Variants in ADAMTS17 observed in about 807,000 individuals in gnomAD.
ADAMTS17 encodes the protein A disintegrin and metalloproteinase with thrombospondin motifs 17.
Under a neutral mutation model 141.5 loss-of-function variants are expected in ADAMTS17, and 113 were observed. The ratio of observed to expected loss-of-function variants is 0.80; its 90% CI spans 0.69 to 0.93. ADAMTS17 has a LOEUF of 0.93. Among genes scored for constraint, ADAMTS17 ranks in the 40% least tolerant of loss-of-function variants. The pLI, the probability that ADAMTS17 is intolerant of heterozygous loss-of-function variation, is 0.00. For missense variants in ADAMTS17, 1,659 were observed against 1,517.9 expected, an observed-to-expected ratio of 1.09 and a Z score of -1.54; for synonymous variants, 768 against 630.6, an observed-to-expected ratio of 1.22 and a Z score of -3.27.
At chr15:100,148,394 T>C (rs976902925) in intron 10 of ADAMTS17, among the ~76,000 whole-genome samples, 2 of 152,190 alleles carry the variant, frequency 1.3e-5, no homozygotes, top group Non-Finnish European at 2.9e-5. Flanking sequence ...CTGCAGAAGA[T>C]TTCCTTTAAT....
chr15:100,275,870 C>T (rs888640208), intron 4 of ADAMTS17, among the ~76,000 whole-genome samples: 1 of 149,324 alleles, frequency 6.7e-6, no homozygotes, highest in African/African-American at 2.5e-5. Flanking sequence ...CAGCTTTGGC[C>T]ATGCTATCAG....
chr15:100,175,584 T>C (rs1170045091), intron 8 of ADAMTS17, among the ~76,000 whole-genome samples: 1 of 152,122 alleles, frequency 6.6e-6, no homozygotes, highest in Non-Finnish European at 1.5e-5. Context: ...CCCCAGGGCG[T>C]GATGGAGACT....
At chr15:100,215,884 G>A (rs923536827) in intron 7 of ADAMTS17, among the ~76,000 whole-genome samples, 3 of 151,698 alleles carry the variant, frequency 2.0e-5, no homozygotes, top group Non-Finnish European at 2.9e-5. Flanking sequence ...TTTAGGTGTC[G>A]CTGACTCTCC....
At chr15:100,244,247 C>T (rs892143300) in intron 7 of ADAMTS17, among the ~76,000 whole-genome samples, 11 of 151,712 alleles carry the variant, frequency 7.3e-5, no homozygotes, top group Admixed American at 2.6e-4. Flanking sequence ...CCAGGTCCCT[C>T]CCATGACACG....
At chr15:100,316,847 C>T (rs541214407) in intron 3 of ADAMTS17, among the ~76,000 whole-genome samples, 1 of 152,330 alleles carries the variant, frequency 6.6e-6, no homozygotes, top group Non-Finnish European at 1.5e-5. Context: ...CTTGTCCCAG[C>T]CTCTACGTGC....
intron 8 of ADAMTS17, 123 bp from the exon 9 acceptor site, chr15:100,155,443 G>A: frequency 1.4e-6 from 2 of 1,390,376 alleles, no homozygotes; most frequent in South Asian, 1.2e-5. Flanking sequence ...TAACGTGAAA[G>A]TGGTTCTCAC....
At chr15:99,996,248 T>C (rs937049292) in intron 19 of ADAMTS17, among the ~76,000 whole-genome samples, 2 of 152,058 alleles carry the variant, frequency 1.3e-5, no homozygotes, top group Non-Finnish European at 2.9e-5. Flanking sequence ...GAGACAGGAT[T>C]TTACCACTGA....
At chr15:100,008,718 C>T (rs2141391379) in intron 18 of ADAMTS17, among the ~76,000 whole-genome samples, 1 of 152,348 alleles carries the variant, frequency 6.6e-6, no homozygotes, top group Admixed American at 6.5e-5. Flanking sequence ...TCAGAGTTCT[C>T]ACTTCTCATT....
At chr15:100,151,243 C>A (rs1596567378) in intron 10 of ADAMTS17, among the ~76,000 whole-genome samples, 1 of 152,314 alleles carries the variant, frequency 6.6e-6, no homozygotes, top group African/African-American at 2.4e-5. Context: ...GCAGAAGCAG[C>A]ACTACAGTGT....
intron 18 of ADAMTS17, among the ~76,000 whole-genome samples, chr15:100,040,239 C>T (rs2031125145): frequency 1.3e-5 from 2 of 152,208 alleles, no homozygotes; most frequent in South Asian, 2.1e-4. Flanking sequence ...ATTTCTGAAA[C>T]CCTCAGCAAT....
At chr15:100,292,089 T>TGAGAGACGCTCAGCCCGTGGGGAGTCAC (rs1567496743) in intron 3 of ADAMTS17, among the ~76,000 whole-genome samples, 1 of 118,906 alleles carries the variant, frequency 8.4e-6, no homozygotes, top group Non-Finnish European at 1.9e-5. Context: ...TGGGGAGTCA[T>TGAGAGACGCTCAGCCCGTGGGGAGTCAC]GAGAGACGCT....
rs576900829 is a variant in ADAMTS17 at position 100,004,366 on chromosome 15, A to C, written c.2592-6777T>G. On this transcript the variant is annotated intron_variant, in intron 18 of 21. Transcript: ENST00000268070. ...TGGCATAAAGAAATCATTTCACCCA[A>C]CCCCCCCTGGCTCCAGGAGCCCACC... Among the ~76,000 whole-genome samples the C allele has an allele frequency of 8.0e-4, 121 of 151,968 alleles. 1 individual carries two copies. The highest frequency in any genetic ancestry group is 2.6e-3 in the African/African-American group (106 of 41,450).
At chr15:100,283,001 CTATTTTCCTCTG>C (rs1444410155) in intron 3 of ADAMTS17, among the ~76,000 whole-genome samples, 1 of 152,146 alleles carries the variant, frequency 6.6e-6, no homozygotes, top group Admixed American at 6.5e-5. Context: ...CTTCGTTTTC[CTATTTTCCTCTG>C]TATTTTCCAG....
At chr15:100,043,708 C>T (rs189342211) in intron 18 of ADAMTS17, among the ~76,000 whole-genome samples, 53 of 152,332 alleles carry the variant, frequency 3.5e-4, no homozygotes, top group East Asian at 2.3e-3. Context: ...ATGTGGCCTG[C>T]GAAGGCAAAA....
chr15:100,121,069 C>A (rs7177620), intron 12 of ADAMTS17, among the ~76,000 whole-genome samples: 3,497 of 152,172 alleles, frequency 0.023, 116 homozygotes, highest in African/African-American at 0.08. Flanking sequence ...AGTATAAGAA[C>A]TGAAATGAAA....
At chr15:100,076,324 T>C (rs2034374959) in intron 15 of ADAMTS17, among the ~76,000 whole-genome samples, 1 of 152,340 alleles carries the variant, frequency 6.6e-6, no homozygotes, top group East Asian at 1.9e-4. Flanking sequence ...GTTACAGGCG[T>C]GAGCCATTGT....
At chr15:100,226,786 AAAT>A (rs2042325545) in intron 7 of ADAMTS17, among the ~76,000 whole-genome samples, 1 of 152,178 alleles carries the variant, frequency 6.6e-6, no homozygotes, top group African/African-American at 2.4e-5. Context: ...TTTAAACAGA[AAAT>A]AAGTGAGAAT....
At chr15:100,203,723 C>CA (rs2041427507) in intron 7 of ADAMTS17, among the ~76,000 whole-genome samples, 1 of 151,938 alleles carries the variant, frequency 6.6e-6, no homozygotes, top group Non-Finnish European at 1.5e-5. Flanking sequence ...CAAAACAAAA[C>CA]AAAAACAAAA....
intron 2 of ADAMTS17, among the ~76,000 whole-genome samples, chr15:100,337,219 T>C (rs1567553383): frequency 6.6e-6 from 1 of 152,202 alleles, no homozygotes. Flanking sequence ...CCCTATAAAT[T>C]AGAGGTATGC....
Sources: allele counts gnomAD v4.1 joint callset (sites outside exome capture counted in the v4.1 genomes callset), GRCh38; gene constraint gnomAD v4.1.1; transcripts MANE v1.5; gene names NCBI Gene and HGNC (gene_info 2026-07-23, HGNC 2026-07-21).